GNG7: variants seen among roughly 807,000 people sequenced by gnomAD.
GNG7 encodes the protein guanine nucleotide-binding protein G(I)/G(S)/G(O) subunit gamma-7.
GNG7 carries 1 observed loss-of-function variant against 4.0 expected under a neutral mutation model. That is an observed-to-expected ratio of 0.25 (90% CI 0.09 to 1.18). GNG7 has a LOEUF of 1.18. Among genes scored for constraint, GNG7 ranks in the 50% most tolerant of loss-of-function variants. GNG7 has a pLI of 0.50. For synonymous variants in GNG7, 34 were observed against 36.9 expected (o/e 0.92, Z 0.29); for missense variants, 86 against 91.9 (o/e 0.94, Z 0.26).
At chr19:2,638,647 G>T (rs905753434) in intron 2 of GNG7, among the ~76,000 whole-genome samples, 1 of 151,058 alleles carries the variant, frequency 6.6e-6, no homozygotes, top group Non-Finnish European at 1.5e-5. Context: ...ATGGGGCCAT[G>T]TTGAGCAGTG....
At chr19:2,615,029 G>A (rs929934181) in intron 2 of GNG7, among the ~76,000 whole-genome samples, 10 of 152,186 alleles carry the variant, frequency 6.6e-5, no homozygotes, top group East Asian at 1.9e-4. Flanking sequence ...GATTTGTGCC[G>A]CGGCTCCTGC....
At chr19:2,646,874 C>T (rs190775161) in intron 1 of GNG7, among the ~76,000 whole-genome samples, 3 of 152,288 alleles carry the variant, frequency 2.0e-5, no homozygotes, top group Admixed American at 6.5e-5. Flanking sequence ...TGGAGCCTCA[C>T]GATCTCCCTG....
At chr19:2,597,032 G>GA (rs1981043523) in intron 2 of GNG7, among the ~76,000 whole-genome samples, 1 of 152,084 alleles carries the variant, frequency 6.6e-6, no homozygotes. Context: ...GCTGAGGTGG[G>GA]AAGATCACTT....
At chr19:2,651,573 C>CT (rs1418319669) in intron 1 of GNG7, among the ~76,000 whole-genome samples, 36 of 138,980 alleles carry the variant, frequency 2.6e-4, no homozygotes, top group East Asian at 6.2e-4. Flanking sequence ...CTCTCTCTCT[C>CT]TCTTTTTTTT....
intron 2 of GNG7, among the ~76,000 whole-genome samples, chr19:2,585,617 G>GA (rs1166457118): frequency 1.3e-5 from 2 of 152,202 alleles, no homozygotes; most frequent in Non-Finnish European, 2.9e-5. Flanking sequence ...TCCAGATTGG[G>GA]ATTACCAGGG....
intron 2 of GNG7, among the ~76,000 whole-genome samples, chr19:2,560,458 G>A (rs1295297510): frequency 6.6e-6 from 1 of 152,064 alleles, no homozygotes; most frequent in Non-Finnish European, 1.5e-5. Flanking sequence ...GTCCCACCCA[G>A]CCCTTCCCTT....
At chr19:2,519,042 C>T (rs978157111) in intron 4 of GNG7, among the ~76,000 whole-genome samples, 15 of 151,634 alleles carry the variant, frequency 9.9e-5, no homozygotes, top group Non-Finnish European at 2.1e-4. Context: ...GTGATCCGCC[C>T]ACCTCAGCCT....
At position 2,545,263 on chromosome 19, in the gene GNG7, C is replaced by A. The variant is rs142657725; in HGVS notation, c.-38+9886G>T. On this transcript the variant is annotated intron_variant, in intron 3 of 4. Transcript: ENST00000382159. ...GGAGGCCAGGGATACTGCTCAGCAC[C>A]CTGCAGTGCCCAGGACAGGCCCACC... Among the ~76,000 whole-genome samples, 1,104 of 152,228 alleles carry A rather than the reference C, an allele frequency of 7.3e-3. 11 individuals carry two copies. Among genetic ancestry groups the A allele is most frequent in the Non-Finnish European group, 1.0e-2 (677 of 68,002 alleles).
intron 2 of GNG7, among the ~76,000 whole-genome samples, chr19:2,602,086 C>T (rs1981214780): frequency 2.6e-5 from 4 of 151,808 alleles, no homozygotes; most frequent in Admixed American, 2.6e-4. Flanking sequence ...CCTGTAATCC[C>T]AGCACTCTGG....
chr19:2,652,489 C>A (rs749759915), intron 1 of GNG7, among the ~76,000 whole-genome samples: 7 of 151,736 alleles, frequency 4.6e-5, no homozygotes, highest in African/African-American at 7.3e-5. Flanking sequence ...CGTGGTGGTG[C>A]ATGCCTGTAA....
chr19:2,553,807 A>ATATAT (rs80103560), intron 3 of GNG7, among the ~76,000 whole-genome samples: 118,821 of 146,544 alleles, frequency 0.81, 48,669 homozygotes, highest in African/African-American at 0.92. Context: ...ATCATGTGTA[A>ATATAT]TATATCACAT....
At chr19:2,628,675 C>T (rs983620197) in intron 2 of GNG7, among the ~76,000 whole-genome samples, 1 of 152,088 alleles carries the variant, frequency 6.6e-6, no homozygotes, top group Non-Finnish European at 1.5e-5. Flanking sequence ...AACAACAGCT[C>T]CCCTCTTCCC....
chr19:2,576,881 G>A (rs866585427), intron 2 of GNG7, among the ~76,000 whole-genome samples: 14 of 150,518 alleles, frequency 9.3e-5, no homozygotes, highest in African/African-American at 2.2e-4. Context: ...ACAGGGTCTC[G>A]CTATGTGGCC....
chr19:2,540,234 T>C (rs1978913896), intron 3 of GNG7, among the ~76,000 whole-genome samples: 1 of 152,004 alleles, frequency 6.6e-6, no homozygotes, highest in South Asian at 2.1e-4. Context: ...CACTGAAAAC[T>C]TGAACTCCTG....
intron 2 of GNG7, among the ~76,000 whole-genome samples, chr19:2,604,354 C>T (rs1279996832): frequency 2.0e-5 from 3 of 151,252 alleles, no homozygotes; most frequent in Non-Finnish European, 4.4e-5. Flanking sequence ...TGCTTGTGGT[C>T]CCAGCTACTC....
chr19:2,664,942 C>T (rs1983267745), intron 1 of GNG7, among the ~76,000 whole-genome samples: 2 of 151,636 alleles, frequency 1.3e-5, no homozygotes, highest in Middle Eastern at 3.5e-3. Context: ...GCAGAATCAC[C>T]CTCAGTTGAC....
chr19:2,647,335 C>T (rs1162920845), intron 1 of GNG7, among the ~76,000 whole-genome samples: 1 of 152,116 alleles, frequency 6.6e-6, no homozygotes, highest in Non-Finnish European at 1.5e-5. Context: ...GGGGATGTGG[C>T]GTGTCCCGCG....
intron 3 of GNG7, among the ~76,000 whole-genome samples, chr19:2,530,144 G>A (rs990287000): frequency 3.9e-5 from 6 of 152,388 alleles, no homozygotes; most frequent in East Asian, 1.9e-4. Context: ...CGGGTGCGGC[G>A]GCTCACGCCT....
intron 4 of GNG7, 71 bp from the exon 5 acceptor site, chr19:2,515,218 A>AC: frequency 6.3e-7 from 1 of 1,591,326 alleles, no homozygotes; most frequent in Non-Finnish European, 8.6e-7. Flanking sequence ...TCACAGCAGC[A>AC]CCATTCCCAA....
Sources: allele counts gnomAD v4.1 joint callset (sites outside exome capture counted in the v4.1 genomes callset), GRCh38; gene constraint gnomAD v4.1.1; transcripts MANE v1.5; gene names NCBI Gene and HGNC (gene_info 2026-07-23, HGNC 2026-07-21).